RPS6KA5: variants seen among roughly 807,000 people sequenced by gnomAD.
The protein encoded by RPS6KA5 is ribosomal protein S6 kinase alpha-5.
RPS6KA5 carries 27 observed loss-of-function variants against 85.5 expected under a neutral mutation model. The ratio of observed to expected loss-of-function variants is 0.32; its 90% CI spans 0.23 to 0.44. The LOEUF (loss-of-function observed/expected upper bound fraction) is 0.44. Among genes scored for constraint, RPS6KA5 ranks in the 20% least tolerant of loss-of-function variants. RPS6KA5 has a pLI of 1.00. For missense variants in RPS6KA5, 811 were observed against 980.9 expected (o/e 0.83, Z 2.31); for synonymous variants, 334 against 348.2 (o/e 0.96, Z 0.46).
intron 2 of RPS6KA5, among the ~76,000 whole-genome samples, chr14:90,992,783 C>G (rs1323359116): frequency 6.6e-6 from 1 of 152,200 alleles, no homozygotes; most frequent in Non-Finnish European, 1.5e-5. Context: ...ACTGACCAAT[C>G]TCTTTAACAG....
intron 1 of RPS6KA5, among the ~76,000 whole-genome samples, chr14:91,025,887 T>C (rs1047671769): frequency 9.9e-5 from 15 of 152,116 alleles, no homozygotes; most frequent in African/African-American, 3.4e-4. Flanking sequence ...TGTGGGTTCG[T>C]TATGAGTTAT....
At chr14:91,034,617 CAAAT>C (rs1030399235) in intron 1 of RPS6KA5, among the ~76,000 whole-genome samples, 16 of 152,272 alleles carry the variant, frequency 1.1e-4, no homozygotes, top group Admixed American at 6.5e-5. Context: ...TGGGCAGCAA[CAAAT>C]AAGGGAATAA....
chr14:90,873,566 G>C, intron 16 of RPS6KA5, 66 bp downstream of exon 16: 1 of 1,390,178 alleles, frequency 7.2e-7, no homozygotes, highest in Admixed American at 2.1e-5. Flanking sequence ...TGAGGCTACA[G>C]AGTAAGAACA....
intron 6 of RPS6KA5, 131 bp downstream of exon 6, chr14:90,922,982 G>GA: frequency 6.3e-6 from 4 of 636,944 alleles, no homozygotes; most frequent in Non-Finnish European, 1.1e-5. Context: ...AAGCAAAAGA[G>GA]AAAAAAAGGA....
rs199625173 is a variant in RPS6KA5, at chr14:91,035,847, C to CAAAAA, written c.103+24480_103+24484dup. ...TTTCAGCTGATGAAACCCTCACCTT[C>CAAAAA]AAAAAAAAAAAAAAAAAAAAAAAAA... On this transcript the variant is annotated intron_variant, in intron 1 of 16. Transcript: ENST00000614987. Among the ~76,000 whole-genome samples the CAAAAA allele has an allele frequency of 1.2e-3, 83 of 69,862 alleles. 1 individual carries two copies. The highest frequency in any genetic ancestry group is 1.4e-3 in the Non-Finnish European group (58 of 40,018). The allele number at this position is 69,862 out of a possible 152,430, so 45.8% of individuals were successfully genotyped here.
chr14:91,006,319 C>G (rs1258433497), intron 1 of RPS6KA5, among the ~76,000 whole-genome samples: 6 of 152,198 alleles, frequency 3.9e-5, no homozygotes, highest in Non-Finnish European at 8.8e-5. Context: ...TAAGCAGATT[C>G]AGGGGTTCTC....
intron 3 of RPS6KA5, among the ~76,000 whole-genome samples, chr14:90,975,458 T>C (rs1293511404): frequency 6.6e-6 from 1 of 152,134 alleles, no homozygotes; most frequent in Non-Finnish European, 1.5e-5. Flanking sequence ...ATCTGACTGG[T>C]GTCCTTACAG....
At position 90,849,805 on chromosome 14, in the gene RPS6KA5, T is replaced by C. The variant is rs2031898102; in HGVS notation, c.*22269A>G. ...CCAAAGATGGAACAAAGGGTGACGT[T>C]ACCCGTTGATGCTAGATGATGTCCT... On this transcript the variant is annotated 3_prime_UTR_variant, in exon 17 of 17. Transcript: ENST00000614987. 1 of 152,216 alleles carries C rather than the reference T, an allele frequency of 6.6e-6. No individual in the cohort carries two copies. Among genetic ancestry groups the C allele is most frequent in the Non-Finnish European group, 1.5e-5 (1 of 68,056 alleles). The allele number at this position is 152,216 out of a possible 1,614,324, so 9.4% of individuals were successfully genotyped here.
chr14:90,872,391 T>TA (rs2033179175), intron 16 of RPS6KA5, 69 bp from the exon 17 acceptor site: 4 of 1,513,364 alleles, frequency 2.6e-6, no homozygotes, highest in African/African-American at 2.8e-5. Context: ...AGTTATGACT[T>TA]ACAGCAGAAG....
At chr14:90,923,448 C>T (rs1454671031) in intron 5 of RPS6KA5, among the ~76,000 whole-genome samples, 4 of 152,108 alleles carry the variant, frequency 2.6e-5, no homozygotes, top group Non-Finnish European at 4.4e-5. Flanking sequence ...ATCCATCCAT[C>T]CATCCATCCA....
intron 1 of RPS6KA5, among the ~76,000 whole-genome samples, chr14:91,035,878 A>AAAAC: frequency 1.0e-5 from 1 of 100,062 alleles, no homozygotes; most frequent in Non-Finnish European, 2.1e-5. Flanking sequence ...AAAAAAAAAA[A>AAAAC]AAACCCCAAA....
At chr14:90,972,410 G>A (rs981251301) in intron 3 of RPS6KA5, among the ~76,000 whole-genome samples, 1 of 152,004 alleles carries the variant, frequency 6.6e-6, no homozygotes, top group Non-Finnish European at 1.5e-5. Flanking sequence ...GTATAGTACT[G>A]GTACATGACT....
intron 5 of RPS6KA5, among the ~76,000 whole-genome samples, chr14:90,926,396 A>C (rs908565108): frequency 2.0e-5 from 3 of 149,230 alleles, no homozygotes; most frequent in East Asian, 1.9e-4. Flanking sequence ...GTCTCAAAAA[A>C]AAAAAACAAA....
intron 1 of RPS6KA5, among the ~76,000 whole-genome samples, chr14:91,024,463 T>C (rs2041913506): frequency 1.3e-5 from 2 of 152,334 alleles, no homozygotes; most frequent in South Asian, 2.1e-4. Context: ...AGTAGTTTTG[T>C]AGTAATTTGT....
At chr14:90,884,079 CACA>C (rs2034031341) in intron 14 of RPS6KA5, among the ~76,000 whole-genome samples, 1 of 152,188 alleles carries the variant, frequency 6.6e-6, no homozygotes, top group Admixed American at 6.5e-5. Context: ...TGGTGGCAGG[CACA>C]ACAACAATGA....
At chr14:90,958,816 T>C (rs1387209201) in intron 3 of RPS6KA5, among the ~76,000 whole-genome samples, 1 of 151,984 alleles carries the variant, frequency 6.6e-6, no homozygotes, top group Non-Finnish European at 1.5e-5. Flanking sequence ...GTAAATTAGA[T>C]ATTATTAATG....
intron 8 of RPS6KA5, among the ~76,000 whole-genome samples, chr14:90,903,582 C>T (rs1057300693): frequency 2.0e-5 from 3 of 152,234 alleles, no homozygotes; most frequent in African/African-American, 7.2e-5. Flanking sequence ...AACACTGCCT[C>T]TTATGTCCCC....
chr14:90,904,827 CT>C, intron 8 of RPS6KA5, among the ~76,000 whole-genome samples: 1 of 152,030 alleles, frequency 6.6e-6, no homozygotes, highest in East Asian at 1.9e-4. Flanking sequence ...CTATTCCAAG[CT>C]ACTGAAAAGA....
At chr14:90,968,304 C>T (rs1384986263) in intron 3 of RPS6KA5, among the ~76,000 whole-genome samples, 9 of 152,172 alleles carry the variant, frequency 5.9e-5, no homozygotes, top group Admixed American at 5.9e-4. Flanking sequence ...TCCTCCCTCC[C>T]TCCCTCTTCC....
Sources: gnomAD v4.1 joint callset for allele counts (sites outside exome capture counted in the v4.1 genomes callset) on GRCh38, gnomAD v4.1.1 for gene constraint, MANE v1.5 for transcripts, NCBI Gene and HGNC (gene_info 2026-07-23, HGNC 2026-07-21) for gene names.